Variants in CYTH3 observed in about 807,000 individuals in gnomAD.
CYTH3 encodes the protein cytohesin 3.
A neutral mutation model predicts 55.1 loss-of-function variants in CYTH3; 23 were observed. The ratio of observed to expected loss-of-function variants is 0.42; its 90% CI spans 0.30 to 0.59. CYTH3 has a LOEUF of 0.59. Ranked by LOEUF, CYTH3 falls within the 20% of genes least tolerant of loss-of-function variation. The pLI is 0.20. For missense variants in CYTH3, 413 were observed against 524.8 expected (o/e 0.79, Z 2.08); for synonymous variants, 249 against 194.9 (o/e 1.28, Z -2.31).
At chr7:6,245,809 C>G (rs1436483322) in intron 1 of CYTH3, among the ~76,000 whole-genome samples, 1 of 152,176 alleles carries the variant, frequency 6.6e-6, no homozygotes, top group African/African-American at 2.4e-5. Flanking sequence ...GAAGCTGAGG[C>G]AGGAGAATCA....
chr7:6,272,410 G>GGGGGGGGGCCCC, intron 1 of CYTH3, 64 bp downstream of exon 1: 1 of 1,216,618 alleles, frequency 8.2e-7, no homozygotes, highest in Non-Finnish European at 1.1e-6. Flanking sequence ...CCGCGCCCTC[G>GGGGGGGGGCCCC]ACCCCCAGCC....
At chr7:6,205,875 TAAAAAAAAAAA>T (rs370194149) in intron 1 of CYTH3, among the ~76,000 whole-genome samples, 628 of 28,128 alleles carry the variant, frequency 0.022, 8 homozygotes, top group African/African-American at 0.091. Context: ...TCCTATCTCT[TAAAAAAAAAAA>T]AAAAAAAAAA....
At chr7:6,271,893 C>G (rs746900844) in intron 1 of CYTH3, among the ~76,000 whole-genome samples, 1 of 152,188 alleles carries the variant, frequency 6.6e-6, no homozygotes, top group Non-Finnish European at 1.5e-5. Flanking sequence ...CTGAACTGAA[C>G]TCCAGCTGGC....
chr7:6,207,219 C>G (rs759906422), intron 1 of CYTH3, among the ~76,000 whole-genome samples: 6 of 151,254 alleles, frequency 4.0e-5, no homozygotes, highest in Non-Finnish European at 2.9e-5. Context: ...CTCAGCCTCC[C>G]GAGTACCTGG....
chr7:6,265,658 C>G (rs906647133), intron 1 of CYTH3, among the ~76,000 whole-genome samples: 1 of 151,840 alleles, frequency 6.6e-6, no homozygotes, highest in African/African-American at 2.4e-5. Flanking sequence ...CTTGCAGCCC[C>G]TAAACTACAG....
intron 1 of CYTH3, among the ~76,000 whole-genome samples, chr7:6,244,021 TC>T (rs1779741829): frequency 6.6e-6 from 1 of 152,226 alleles, no homozygotes; most frequent in African/African-American, 2.4e-5. Flanking sequence ...TTATTAGAAT[TC>T]CTGTATTTAC....
intron 1 of CYTH3, among the ~76,000 whole-genome samples, chr7:6,246,282 C>T (rs1449817974): frequency 6.6e-6 from 1 of 151,268 alleles, no homozygotes; most frequent in Non-Finnish European, 1.5e-5. Flanking sequence ...GCTCCCCAGG[C>T]TGGTGGCGAA....
At chr7:6,206,134 T>C (rs984193005) in intron 1 of CYTH3, among the ~76,000 whole-genome samples, 3 of 152,160 alleles carry the variant, frequency 2.0e-5, no homozygotes, top group Non-Finnish European at 4.4e-5. Context: ...AGTAAAAACA[T>C]ATGTCCACAC....
intron 1 of CYTH3, among the ~76,000 whole-genome samples, chr7:6,212,455 C>A (rs1784340066): frequency 6.6e-6 from 1 of 152,176 alleles, no homozygotes. Context: ...AGGCACCCAC[C>A]ATTCTACTTT....
chr7:6,225,633 G>A (rs750067901), intron 1 of CYTH3, among the ~76,000 whole-genome samples: 1 of 151,746 alleles, frequency 6.6e-6, no homozygotes, highest in Non-Finnish European at 1.5e-5. Context: ...TGGGATTACA[G>A]GTATGAGCCA....
At chr7:6,183,064 G>A (rs533471350) in intron 4 of CYTH3, among the ~76,000 whole-genome samples, 3 of 152,312 alleles carry the variant, frequency 2.0e-5, no homozygotes, top group East Asian at 3.9e-4. Flanking sequence ...ATTTCTCCTT[G>A]TTGGTGCTGC....
intron 12 of CYTH3, 63 bp downstream of exon 12, chr7:6,165,210 A>AT: frequency 6.4e-7 from 1 of 1,573,952 alleles, no homozygotes; most frequent in South Asian, 1.2e-5. Context: ...GTTCCAGACC[A>AT]TCCCCCGCCC....
intron 1 of CYTH3, among the ~76,000 whole-genome samples, chr7:6,206,089 T>C (rs1198945103): frequency 6.6e-6 from 1 of 152,146 alleles, no homozygotes; most frequent in Non-Finnish European, 1.5e-5. Flanking sequence ...ACAGTTTGCA[T>C]TCCAGCAATT....
At chr7:6,180,701 G>A (rs940081373) in intron 4 of CYTH3, among the ~76,000 whole-genome samples, 10 of 152,204 alleles carry the variant, frequency 6.6e-5, no homozygotes, top group African/African-American at 2.4e-4. Context: ...GAAAGTGAGT[G>A]TTCTAACATT....
rs185406073 is a variant in CYTH3, at chr7:6,248,242, C to A, written c.34+24232G>T. ...AGACCCATCCTCCCCCAACCCCCCC[C>A]CAGCCAAAAAAAAAAAAAAGAATAG... On this transcript the variant is annotated intron_variant, in intron 1 of 12. Coordinates refer to ENST00000350796, the MANE Select transcript of CYTH3 (RefSeq NM_004227.4). Among the ~76,000 whole-genome samples the A allele has an allele frequency of 2.1e-4, 32 of 149,306 alleles. No homozygotes were observed. The East Asian group carries it at 3.7e-3, about 17-fold the overall frequency.
rs1212580489 is a variant in CYTH3, at chr7:6,163,120, G to T, written c.*1824C>A. The T allele has an allele frequency of 6.5e-6, 1 of 152,694 alleles. No individual in the cohort carries two copies. The highest frequency in any genetic ancestry group is 1.9e-4 in the East Asian group (1 of 5,202). 9.5% of individuals were successfully genotyped at this position (152,694 alleles called of 1,614,324 possible). On this transcript the variant is annotated 3_prime_UTR_variant, in exon 13 of 13. Transcript: ENST00000350796. ...CCTAAGAACGTGGGAATGAAAGTCT[G>T]ATGCAGGACAGGGGTTTCTGGCCTC...
At chr7:6,199,974 G>A (rs1356685776) in intron 1 of CYTH3, among the ~76,000 whole-genome samples, 7 of 152,138 alleles carry the variant, frequency 4.6e-5, no homozygotes, top group Admixed American at 4.6e-4. Context: ...CTAACAAAGT[G>A]TGCAATAATA....
intron 1 of CYTH3, among the ~76,000 whole-genome samples, chr7:6,190,863 G>A (rs1345395086): frequency 6.6e-6 from 1 of 151,908 alleles, no homozygotes; most frequent in Non-Finnish European, 1.5e-5. Flanking sequence ...GATCACTTGA[G>A]GTCAGGAGTT....
Position 6,167,144 on chromosome 7 carries a change from G to A in CYTH3, c.824-1334C>T, listed in dbSNP as rs771239961. On this transcript the variant is annotated intron_variant, in intron 9 of 12. Coordinates refer to ENST00000350796, the MANE Select transcript of CYTH3 (RefSeq NM_004227.4). The surrounding 1 kb of genome is among the most constrained non-coding windows in gnomAD (Gnocchi z 5.5). ...AAGACCCAGCCAGGCCCACAGCAAG[G>A]CCCAAAGTCCTTGTTGCCCTCGTGT... Among the ~76,000 whole-genome samples, 5 of 152,162 alleles carry A rather than the reference G, an allele frequency of 3.3e-5. No individual in the cohort carries two copies. Among genetic ancestry groups the A allele is most frequent in the Non-Finnish European group, 7.3e-5 (5 of 68,032 alleles).
Sources: allele counts gnomAD v4.1 joint callset (sites outside exome capture counted in the v4.1 genomes callset), GRCh38; gene constraint gnomAD v4.1.1; non-coding constraint Gnocchi (gnomAD v3.1); transcripts MANE v1.5; gene names NCBI Gene and HGNC (gene_info 2026-07-23, HGNC 2026-07-21).